The following ITPR1 variants were observed in gnomAD, a reference collection of about 807,000 sequenced individuals.
ITPR1 encodes the protein inositol 1,4,5-trisphosphate receptor type 1.
A neutral mutation model predicts 318.4 loss-of-function variants in ITPR1; 96 were observed. The ratio of observed to expected loss-of-function variants is 0.30; its 90% CI spans 0.26 to 0.36. The LOEUF (loss-of-function observed/expected upper bound fraction) is 0.36, where lower values mean the gene tolerates loss of function less well. ITPR1 is among the 10% of genes least tolerant of loss of function. The pLI, the probability that ITPR1 is intolerant of heterozygous loss-of-function variation, is 1.00. For synonymous variants in ITPR1, 1,312 were observed against 1,289.9 expected, an observed-to-expected ratio of 1.02 and a Z score of -0.37; for missense variants, 2,440 against 3,460.2, an observed-to-expected ratio of 0.71 and a Z score of 7.40.
intron 4 of ITPR1, among the ~76,000 whole-genome samples, chr3:4,578,707 G>C (rs1003528098): frequency 6.6e-5 from 10 of 152,188 alleles, no homozygotes; most frequent in Non-Finnish European, 1.5e-5. Flanking sequence ...CGTGGTTGGC[G>C]CGCTCATGAT....
At chr3:4,735,101 A>C in intron 43 of ITPR1, 63 bp from the exon 44 acceptor site, 1 of 1,301,618 alleles carries the variant, frequency 7.7e-7, no homozygotes, top group Non-Finnish European at 1.1e-6. Flanking sequence ...GTGCGTAGTA[A>C]GTATGCAGCA....
chr3:4,683,407 C>T lies in ITPR1; in HGVS notation c.3183C>T (p.Asp1061=). ...FGGSEENTPL[D]LDDHGGRTFL... Reference sequence around the variant, plus strand: ...TTAGTGAGGAGAACACCCCACTGGACTTGGATGACCACGGCGGCAGAACCT... The same window carrying T: ...TTAGTGAGGAGAACACCCCACTGGATTTGGATGACCACGGCGGCAGAACCT... Residue 1061 remains aspartate, a synonymous_variant, in exon 27 of 62, where the codon GAC becomes GAT. Transcript: ENST00000649015. 1 of 1,614,056 alleles carries T rather than the reference C, an allele frequency of 6.2e-7. No homozygotes were observed. The highest frequency in any genetic ancestry group is 1.3e-5 in the African/African-American group (1 of 75,060).
intron 60 of ITPR1, among the ~76,000 whole-genome samples, chr3:4,832,951 A>G (rs1458688238): frequency 6.6e-6 from 1 of 152,072 alleles, no homozygotes. Context: ...TTAGACACTC[A>G]CCCTTGGAGG....
intron 3 of ITPR1, among the ~76,000 whole-genome samples, chr3:4,519,211 G>A (rs890730968): frequency 6.6e-6 from 1 of 152,002 alleles, no homozygotes; most frequent in South Asian, 2.1e-4. Flanking sequence ...CTCCCCATTT[G>A]AGAACTTGAT....
At chr3:4,592,132 T>G (rs2686623) in intron 4 of ITPR1, among the ~76,000 whole-genome samples, 34,556 of 151,996 alleles carry the variant, frequency 0.23, 5,720 homozygotes, top group African/African-American at 0.47. Context: ...TTGAGTGAGG[T>G]CAGGGAACTA....
rs2051054736 is a variant in ITPR1, at chr3:4,837,986, ACGGG to A, written c.8190+1052_8190+1055del. On this transcript the variant is annotated intron_variant, in intron 61 of 61. Transcript: ENST00000649015. ...TGGAGGTAAGTTGCAAGGTACACCC[ACGGG>A]TGATTTATCACTCTTACAAAGATGA... Among the ~76,000 whole-genome samples, 7 of 152,306 alleles carry A rather than the reference ACGGG, an allele frequency of 4.6e-5. No homozygotes were observed. In the South Asian group the frequency reaches 1.4e-3, roughly 32 times the overall value.
At chr3:4,730,419 G>GTTTT (rs79725720) in intron 42 of ITPR1, among the ~76,000 whole-genome samples, 1 of 105,690 alleles carries the variant, frequency 9.5e-6, no homozygotes, top group Non-Finnish European at 1.8e-5. Flanking sequence ...GTGTGTGTGT[G>GTTTT]TTTCCCCCAG....
intron 55 of ITPR1, among the ~76,000 whole-genome samples, 171 bp from the exon 56 acceptor site, chr3:4,811,094 A>G (rs1382339485): frequency 6.6e-6 from 1 of 151,998 alleles, no homozygotes; most frequent in Non-Finnish European, 1.5e-5. Context: ...CCTCATTTTT[A>G]CCATCTCCGT....
At chr3:4,668,120 C>T (rs938931790) in intron 18 of ITPR1, among the ~76,000 whole-genome samples, 27 of 151,320 alleles carry the variant, frequency 1.8e-4, no homozygotes, top group Admixed American at 8.5e-4. Context: ...AAATTATTGA[C>T]TGTAATTACC....
At chr3:4,833,604 C>T (rs925587904) in intron 60 of ITPR1, among the ~76,000 whole-genome samples, 18 of 152,186 alleles carry the variant, frequency 1.2e-4, no homozygotes, top group South Asian at 4.1e-4. Context: ...TGGTAAGGCA[C>T]GGCGGCCTTT....
intron 4 of ITPR1, among the ~76,000 whole-genome samples, chr3:4,604,398 T>G (rs1432779249): frequency 6.6e-6 from 1 of 152,044 alleles, no homozygotes; most frequent in Non-Finnish European, 1.5e-5. Flanking sequence ...TTCCTGAGGA[T>G]GGGTCAAGGT....
intron 13 of ITPR1, among the ~76,000 whole-genome samples, chr3:4,659,181 AG>A (rs1369721082): frequency 5.6e-4 from 86 of 152,322 alleles, no homozygotes; most frequent in Non-Finnish European, 5.9e-5. Flanking sequence ...CCCCTCGTGA[AG>A]TATTAGTTGT....
chr3:4,543,028 T>A (rs1340409054), intron 4 of ITPR1, among the ~76,000 whole-genome samples: 2 of 152,194 alleles, frequency 1.3e-5, no homozygotes, highest in African/African-American at 4.8e-5. Flanking sequence ...TTCTGTGTGA[T>A]TGAAAACATT....
At position 4,779,177 on chromosome 3, in the gene ITPR1, A is replaced by T. The variant is rs981198183; in HGVS notation, c.6292-373A>T. On this transcript the variant is annotated intron_variant, in intron 48 of 61. Coordinates refer to ENST00000649015, the MANE Select transcript of ITPR1 (RefSeq NM_001378452.1). The surrounding 1 kb of genome is among the most constrained non-coding windows in gnomAD (Gnocchi z 4.0). ...CACACCTGCCCGGAAGGCAGCACAG[A>T]TCTGTGTAGTAGCAGCTTCTTCCCA... Among the ~76,000 whole-genome samples the T allele has an allele frequency of 1.3e-5, 2 of 152,240 alleles. No homozygotes were observed. Among genetic ancestry groups the T allele is most frequent in the African/African-American group, 2.4e-5 (1 of 41,476 alleles).
In ITPR1 at chr3:4,687,722, A is replaced by G. The variant is rs183681622; in HGVS notation, c.3703-773A>G. On this transcript the variant is annotated intron_variant, in intron 30 of 61. Transcript: ENST00000649015. ...GCTTATTACGGAATATTTAACTCTA[A>G]AATACTGAGTTTATGCTATTAATGT... 1.9e-3 allele frequency among the ~76,000 whole-genome samples: 296 copies of G among 152,340 alleles called. 2 individuals are homozygous for G. Among genetic ancestry groups the G allele is most frequent in the South Asian group, 0.014 (69 of 4,820 alleles).
At position 4,627,481 on chromosome 3, in the gene ITPR1, AG is replaced by A. The variant is rs111460762; in HGVS notation, c.164-281del. On this transcript the variant is annotated intron_variant, in intron 4 of 61. Transcript: ENST00000649015. Reference sequence around the variant, plus strand: ...TCAGTCTTAAAAACAAAAACAAAAAAGCAAAACAAACAAAAAAAACACAAAA... The same window carrying A: ...TCAGTCTTAAAAACAAAAACAAAAAACAAAACAAACAAAAAAAACACAAAA... 0.024 allele frequency among the ~76,000 whole-genome samples: 3,726 copies of A among 152,192 alleles called. 141 individuals are homozygous for A. Among genetic ancestry groups the A allele is most frequent in the African/African-American group, 0.085 (3,540 of 41,510 alleles).
intron 4 of ITPR1, among the ~76,000 whole-genome samples, chr3:4,531,362 A>G (rs1351029871): frequency 6.6e-6 from 1 of 152,126 alleles, no homozygotes; most frequent in Non-Finnish European, 1.5e-5. Flanking sequence ...ATTTCTCACC[A>G]AAGTTGCTGC....
In ITPR1 at chr3:4,643,521, G is replaced by A. The variant is rs2093384234; in HGVS notation, c.526-615G>A. ...CCATGAAATCAGTTTAGTGGCTTGT[G>A]ACTATCCTTTTTGAAAGTGGGATAG... On this transcript the variant is annotated intron_variant, in intron 7 of 61. Transcript: ENST00000649015. Among the ~76,000 whole-genome samples the A allele has an allele frequency of 2.0e-5, 3 of 151,892 alleles. No homozygotes were observed. The South Asian group carries it at 6.2e-4, about 31-fold the overall frequency.
In ITPR1 at chr3:4,681,360, T is replaced by A; in HGVS notation, c.3107-4T>A. The A allele has an allele frequency of 6.2e-7, 1 of 1,610,164 alleles. No homozygotes were observed. Among genetic ancestry groups the A allele is most frequent in the Non-Finnish European group, 8.5e-7 (1 of 1,176,610 alleles). The stretch of plus-strand genomic sequence containing the variant: ...ATCTGAAGTGGTATGTTCTAACTTT[T>A]CAGGTGCTCTTGACTTTGAACACAT... On this transcript the variant is annotated splice_region_variant and splice_polypyrimidine_tract_variant and intron_variant, in intron 25 of 61. Transcript: ENST00000649015.
Sources: gnomAD v4.1 joint callset for allele counts (sites outside exome capture counted in the v4.1 genomes callset) on GRCh38, gnomAD v4.1.1 for gene constraint, Gnocchi (gnomAD v3.1) non-coding constraint, MANE v1.5 for transcripts, NCBI Gene and HGNC (gene_info 2026-07-23, HGNC 2026-07-21) for gene names.